Variants in RANBP2 observed in about 807,000 individuals in gnomAD.
The protein encoded by RANBP2 is E3 SUMO-protein ligase RanBP2.
In RANBP2, 57 loss-of-function variants were observed where a neutral mutation model predicts 303.6. The observed-to-expected ratio is 0.19, with a 90% CI of 0.15 to 0.23. RANBP2 has a LOEUF of 0.23. Ranked by LOEUF, RANBP2 falls within the 10% of genes least tolerant of loss-of-function variation. The pLI, the probability that RANBP2 is intolerant of heterozygous loss-of-function variation, is 1.00. For synonymous variants in RANBP2, 1,167 were observed against 1,301.5 expected (o/e 0.90, Z 2.23); for missense variants, 3,138 against 3,780.8 (o/e 0.83, Z 4.46).
chr2:109,108,077 T>C, the RANBP2 span, among the ~76,000 whole-genome samples: 5 of 152,214 alleles, frequency 3.3e-5, no homozygotes, highest in African/African-American at 1.2e-4. Flanking sequence ...GGCCAGTTTT[T>C]TGTATTTTTA....
chr2:109,585,433 C>T, the RANBP2 span: 6 of 897,662 alleles, frequency 6.7e-6, no homozygotes, highest in Middle Eastern at 2.5e-4. Context: ...GGCCAGGGTG[C>T]GCATGAAAGA....
chr2:108,891,704 G>A, the RANBP2 span, among the ~76,000 whole-genome samples: 1 of 152,182 alleles, frequency 6.6e-6, no homozygotes, highest in Non-Finnish European at 1.5e-5. Flanking sequence ...GTGTAGGTGG[G>A]TTTTTGGGCC....
At chr2:109,170,851 C>T in the RANBP2 span, among the ~76,000 whole-genome samples, 1 of 152,204 alleles carries the variant, frequency 6.6e-6, no homozygotes. Context: ...GCGCTTTTCT[C>T]CCCTCAGTAA....
chr2:109,622,707 G>A, the RANBP2 span, among the ~76,000 whole-genome samples: 3 of 152,148 alleles, frequency 2.0e-5, no homozygotes. Flanking sequence ...AAGCATTAAC[G>A]GAAGGGCTTA....
the RANBP2 span, among the ~76,000 whole-genome samples, chr2:109,662,788 C>T: frequency 6.6e-6 from 1 of 152,162 alleles, no homozygotes; most frequent in Non-Finnish European, 1.5e-5. Context: ...GTATCTGCTT[C>T]TCAGAGGATG....
At chr2:109,098,003 A>G in the RANBP2 span, among the ~76,000 whole-genome samples, 1 of 152,118 alleles carries the variant, frequency 6.6e-6, no homozygotes, top group African/African-American at 2.4e-5. Context: ...CTTCCCCTGG[A>G]AGGCAAAGCT....
the RANBP2 span, chr2:109,568,073 T>A: frequency 2.1e-6 from 2 of 971,996 alleles, no homozygotes; most frequent in African/African-American, 3.3e-5. Context: ...TGACAATGAA[T>A]TTCCCTAAAC....
the RANBP2 span, among the ~76,000 whole-genome samples, chr2:109,509,457 C>T: frequency 1.6e-4 from 25 of 152,184 alleles, no homozygotes; most frequent in East Asian, 4.3e-3. Context: ...CCTCTCTCCT[C>T]GGCTTGCACA....
the RANBP2 span, among the ~76,000 whole-genome samples, chr2:109,172,899 T>C: frequency 1.3e-5 from 2 of 152,242 alleles, no homozygotes; most frequent in African/African-American, 4.8e-5. Flanking sequence ...AACGTGCATG[T>C]TCAAAGCAAT....
chr2:108,976,121 C>T, the RANBP2 span, among the ~76,000 whole-genome samples: 1 of 152,172 alleles, frequency 6.6e-6, no homozygotes, highest in Non-Finnish European at 1.5e-5. Flanking sequence ...TTTCTCCTAA[C>T]GTTCTTTTTC....
At chr2:109,222,602 C>T in the RANBP2 span, among the ~76,000 whole-genome samples, 6 of 152,202 alleles carry the variant, frequency 3.9e-5, no homozygotes, top group Non-Finnish European at 7.3e-5. Flanking sequence ...CCACAGCACG[C>T]GTGTGCCCTG....
the RANBP2 span, chr2:108,906,191 G>T: frequency 1.9e-6 from 2 of 1,045,272 alleles, no homozygotes; most frequent in South Asian, 1.3e-5. Context: ...ACCAAAGTGC[G>T]GCAACTGGAT....
At chr2:109,648,094 A>C in the RANBP2 span, among the ~76,000 whole-genome samples, 1 of 152,200 alleles carries the variant, frequency 6.6e-6, no homozygotes, top group South Asian at 2.1e-4. Flanking sequence ...CTAAGTGGCC[A>C]AGGTTGGCTT....
chr2:109,509,399 G>T, the RANBP2 span, among the ~76,000 whole-genome samples: 1 of 152,138 alleles, frequency 6.6e-6, no homozygotes, highest in East Asian at 1.9e-4. Context: ...AGTGCTGGAG[G>T]CTGGAAGTCC....
the RANBP2 span, among the ~76,000 whole-genome samples, chr2:109,451,575 C>T: frequency 6.6e-6 from 1 of 152,222 alleles, no homozygotes; most frequent in Non-Finnish European, 1.5e-5. Context: ...ATGCTGTTCC[C>T]CATCACCCAC....
chr2:109,160,105 C>G, the RANBP2 span, among the ~76,000 whole-genome samples: 2 of 152,142 alleles, frequency 1.3e-5, no homozygotes, highest in Non-Finnish European at 2.9e-5. Flanking sequence ...ATGACATTAT[C>G]AGTCAATTTA....
At chr2:109,081,432 T>A in the RANBP2 span, among the ~76,000 whole-genome samples, 33,731 of 152,094 alleles carry the variant, frequency 0.22, 4,365 homozygotes, top group Middle Eastern at 0.32. Flanking sequence ...ACAACAGTGC[T>A]TCTGGCCTGT....
the RANBP2 span, among the ~76,000 whole-genome samples, chr2:109,012,412 C>T: frequency 2.6e-5 from 4 of 152,156 alleles, no homozygotes; most frequent in Admixed American, 6.5e-5. Flanking sequence ...TTGAGAGCCC[C>T]CACAGAATCT....
the RANBP2 span, among the ~76,000 whole-genome samples, chr2:109,020,066 A>T: frequency 6.6e-6 from 1 of 152,180 alleles, no homozygotes; most frequent in Non-Finnish European, 1.5e-5. Flanking sequence ...ACCATCTGAG[A>T]CATGTCTTGC....
Sources: gnomAD v4.1 joint callset for allele counts (sites outside exome capture counted in the v4.1 genomes callset) on GRCh38, gnomAD v4.1.1 for gene constraint, MANE v1.5 for transcripts, NCBI Gene and HGNC (gene_info 2026-07-23, HGNC 2026-07-21) for gene names.